The following RIT2 variants were observed in gnomAD, a reference collection of about 807,000 sequenced individuals.
The protein encoded by RIT2 is GTP-binding protein Rit2.
Under a neutral mutation model 23.7 loss-of-function variants are expected in RIT2, and 24 were observed. That is an observed-to-expected ratio of 1.01 (90% confidence interval 0.73 to 1.43). The LOEUF (loss-of-function observed/expected upper bound fraction) is 1.43. RIT2 is among the 40% of genes most tolerant of loss of function. The probability of loss-of-function intolerance (pLI) is 0.00; values close to 1 mark genes in which losing one functional copy is unlikely to be tolerated. For missense variants in RIT2, 236 were observed against 266.9 expected, an observed-to-expected ratio of 0.88 and a Z score of 0.81; for synonymous variants, 107 against 91.1, an observed-to-expected ratio of 1.17 and a Z score of -0.99.
intron 4 of RIT2, among the ~76,000 whole-genome samples, chr18:42,791,625 A>G (rs1914045792): frequency 6.6e-6 from 1 of 152,202 alleles, no homozygotes; most frequent in African/African-American, 2.4e-5. Context: ...CTTAATTTTA[A>G]AAAGCTAAAC....
intron 1 of RIT2, among the ~76,000 whole-genome samples, chr18:43,046,707 A>G (rs1912256163): frequency 6.6e-6 from 1 of 152,160 alleles, no homozygotes; most frequent in Non-Finnish European, 1.5e-5. Flanking sequence ...CATAGGGTAA[A>G]TGAGGTTCTC....
At chr18:43,005,053 A>G (rs1172858373) in intron 2 of RIT2, among the ~76,000 whole-genome samples, 1 of 151,800 alleles carries the variant, frequency 6.6e-6, no homozygotes, top group South Asian at 2.1e-4. Flanking sequence ...CAATGCAGCT[A>G]AGAAAGAAAA....
At chr18:42,836,154 C>A (rs1376021755) in intron 4 of RIT2, among the ~76,000 whole-genome samples, 1 of 152,090 alleles carries the variant, frequency 6.6e-6, no homozygotes, top group Non-Finnish European at 1.5e-5. Flanking sequence ...TTTAATCAAA[C>A]CAAACCAACC....
intron 1 of RIT2, among the ~76,000 whole-genome samples, chr18:43,069,560 T>G (rs1912852180): frequency 1.3e-5 from 2 of 152,168 alleles, no homozygotes; most frequent in South Asian, 4.1e-4. Flanking sequence ...CCTCCTTGTT[T>G]TTGTCCTTGC....
chr18:42,837,521 C>T (rs2144019042), intron 4 of RIT2, among the ~76,000 whole-genome samples: 1 of 152,062 alleles, frequency 6.6e-6, no homozygotes, highest in East Asian at 1.9e-4. Flanking sequence ...TCATGCTGAT[C>T]ATATGCAGTT....
chr18:43,027,850 A>G (rs1911768808), intron 2 of RIT2, among the ~76,000 whole-genome samples: 2 of 152,140 alleles, frequency 1.3e-5, no homozygotes, highest in African/African-American at 4.8e-5. Context: ...AGCTTACCAC[A>G]TCGAATGAGA....
At chr18:42,906,909 C>T (rs1004447298) in intron 4 of RIT2, among the ~76,000 whole-genome samples, 15 of 152,182 alleles carry the variant, frequency 9.9e-5, no homozygotes, top group Non-Finnish European at 1.3e-4. Context: ...GTCTTTCTCT[C>T]ATTCCTATCA....
chr18:43,009,721 A>G (rs1598746783), intron 2 of RIT2, among the ~76,000 whole-genome samples: 2 of 151,828 alleles, frequency 1.3e-5, no homozygotes, highest in South Asian at 4.1e-4. Context: ...TGTTCCACCC[A>G]CCACCATATT....
At chr18:42,929,855 G>T (rs958034960) in intron 3 of RIT2, among the ~76,000 whole-genome samples, 1 of 152,040 alleles carries the variant, frequency 6.6e-6, no homozygotes, top group African/African-American at 2.4e-5. Context: ...AGACTCCATG[G>T]ACAGGTGCCC....
chr18:42,891,349 C>T (rs942178735), intron 4 of RIT2, among the ~76,000 whole-genome samples: 40 of 152,160 alleles, frequency 2.6e-4, no homozygotes, highest in Admixed American at 5.9e-4. Flanking sequence ...AACATATAAA[C>T]AATTATTATG....
chr18:42,919,109 A>G (rs1908988662), intron 4 of RIT2, among the ~76,000 whole-genome samples: 2 of 152,140 alleles, frequency 1.3e-5, no homozygotes, highest in African/African-American at 2.4e-5. Flanking sequence ...TGCCTTTACT[A>G]TATTCCAAAA....
At chr18:43,107,426 T>C (rs1913849213) in intron 1 of RIT2, among the ~76,000 whole-genome samples, 2 of 152,136 alleles carry the variant, frequency 1.3e-5, no homozygotes, top group South Asian at 2.1e-4. Flanking sequence ...CGTGCACGCG[T>C]GCGTGCACGC....
intron 1 of RIT2, among the ~76,000 whole-genome samples, chr18:43,072,663 G>T (rs1364325055): frequency 6.6e-6 from 1 of 152,086 alleles, no homozygotes; most frequent in Admixed American, 6.5e-5. Flanking sequence ...TTTCCCCCAT[G>T]CAGATTTCTT....
chr18:42,901,413 C>T (rs184091948), intron 4 of RIT2, among the ~76,000 whole-genome samples: 8 of 152,020 alleles, frequency 5.3e-5, no homozygotes, highest in Admixed American at 2.6e-4. Context: ...ATCATCTTGA[C>T]AATTAAAGAA....
chr18:42,882,592 C>T (rs496056), intron 4 of RIT2, among the ~76,000 whole-genome samples: 5,182 of 152,220 alleles, frequency 0.034, 294 homozygotes, highest in African/African-American at 0.12. Context: ...TTCATGTTAG[C>T]ATAAAAAGAG....
intron 1 of RIT2, among the ~76,000 whole-genome samples, chr18:43,048,194 T>C (rs1464843299): frequency 6.6e-6 from 1 of 152,228 alleles, no homozygotes; most frequent in African/African-American, 2.4e-5. Flanking sequence ...ATGGGTTCGC[T>C]AAATTCAAAG....
At chr18:43,059,561 C>A (rs1291108213) in intron 1 of RIT2, among the ~76,000 whole-genome samples, 4 of 152,156 alleles carry the variant, frequency 2.6e-5, no homozygotes, top group Non-Finnish European at 5.9e-5. Flanking sequence ...CTCCATCTAT[C>A]TAAATTAATT....
chr18:42,893,756 A>G (rs1312433414), intron 4 of RIT2, among the ~76,000 whole-genome samples: 1 of 152,148 alleles, frequency 6.6e-6, no homozygotes, highest in Admixed American at 6.5e-5. Context: ...AGAAGGCAAG[A>G]AAAAAAGAGA....
intron 1 of RIT2, among the ~76,000 whole-genome samples, chr18:43,047,069 A>G (rs948973595): frequency 6.6e-6 from 1 of 152,316 alleles, no homozygotes; most frequent in South Asian, 2.1e-4. Flanking sequence ...TCAAAAGCCT[A>G]TAATCAAAGA....
Sources: allele counts gnomAD v4.1 joint callset (sites outside exome capture counted in the v4.1 genomes callset), GRCh38; gene constraint gnomAD v4.1.1; transcripts MANE v1.5; gene names NCBI Gene and HGNC (gene_info 2026-07-23, HGNC 2026-07-21).